FYB1: variants seen among roughly 807,000 people sequenced by gnomAD.
FYB1 encodes the protein FYN binding protein 1.
In FYB1, 41 loss-of-function variants were observed where a neutral mutation model predicts 94.1. That is an observed-to-expected ratio of 0.44 (90% CI 0.34 to 0.57). The LOEUF is 0.57. FYB1 is among the 20% of genes least tolerant of loss of function. The pLI, the probability that FYB1 is intolerant of heterozygous loss-of-function variation, is 0.02. For synonymous variants in FYB1, 367 were observed against 353.2 expected (o/e 1.04, Z -0.44); for missense variants, 1,050 against 976.8 (o/e 1.07, Z -1.00).
At chr5:39,213,558 C>T (rs534998756) in intron 1 of FYB1, among the ~76,000 whole-genome samples, 79 of 152,256 alleles carry the variant, frequency 5.2e-4, no homozygotes, top group African/African-American at 1.8e-3. Flanking sequence ...GGGCTCAAGG[C>T]CAAAACATCC....
chr5:39,227,388 T>C (rs1750524826), intron 1 of FYB1, among the ~76,000 whole-genome samples: 1 of 152,184 alleles, frequency 6.6e-6, no homozygotes, highest in African/African-American at 2.4e-5. Context: ...TAGAGAATGT[T>C]CGTATTCTTA....
intron 1 of FYB1, among the ~76,000 whole-genome samples, chr5:39,216,019 C>T (rs1273870643): frequency 6.6e-6 from 1 of 152,018 alleles, no homozygotes; most frequent in Non-Finnish European, 1.5e-5. Context: ...GTGATGCAAC[C>T]ACAAGCCATG....
At chr5:39,270,655 T>A in intron 1 of FYB1, 1 of 1,358,492 alleles carries the variant, frequency 7.4e-7, no homozygotes, top group Non-Finnish European at 1.0e-6. Context: ...AAGTTAGCTA[T>A]GCAGAGTGTA....
intron 1 of FYB1, among the ~76,000 whole-genome samples, chr5:39,245,483 A>G (rs1351526103): frequency 5.9e-5 from 9 of 152,172 alleles, no homozygotes. Context: ...ATTGTTTCAC[A>G]TGGTCCTGAC....
At chr5:39,198,915 G>A (rs141830652) in intron 2 of FYB1, among the ~76,000 whole-genome samples, 125 of 152,086 alleles carry the variant, frequency 8.2e-4, no homozygotes, top group African/African-American at 2.8e-3. Context: ...ACAGGGGCAC[G>A]ATGGTACATG....
Position 39,202,728 on chromosome 5 carries a change from G to T in FYB1, c.233C>A (p.Pro78His), listed in dbSNP as rs773327830. 12 of 1,613,930 alleles carry T rather than the reference G, an allele frequency of 7.4e-6. No homozygotes were observed. The highest frequency in any genetic ancestry group is 4.5e-5 in the East Asian group (2 of 44,876). Residue 78 changes from proline to histidine, a missense_variant, in exon 2 of 19, where the codon CCC (proline) becomes CAC (histidine). Coordinates refer to ENST00000512982, the MANE Select transcript of FYB1 (RefSeq NM_001465.6). ...AGTGGGCTTTAGAAACGGGGGCTTG[G>T]GTTCCTTGTCAGGCTTTTCCTCAGA... ...PSSEEKPDKE[P>H]KPPFLKPTGA...
intron 16 of FYB1, among the ~76,000 whole-genome samples, chr5:39,115,766 A>C (rs1022918626): frequency 1.3e-5 from 2 of 152,194 alleles, no homozygotes; most frequent in Non-Finnish European, 2.9e-5. Context: ...GAAGTTAGGA[A>C]AAATAAAAAT....
chr5:39,195,969 A>T (rs1335024997), intron 2 of FYB1, among the ~76,000 whole-genome samples: 1 of 20,748 alleles, frequency 4.8e-5, no homozygotes, highest in Non-Finnish European at 2.9e-4. Context: ...TAGCTTCATG[A>T]TCAGAAAGCA....
At position 39,179,300 on chromosome 5, in the gene FYB1, G is replaced by A. The variant is rs1746006451; in HGVS notation, c.1135+22526C>T. On this transcript the variant is annotated intron_variant, in intron 2 of 18. Coordinates refer to ENST00000512982, the MANE Select transcript of FYB1 (RefSeq NM_001465.6). ...CCCAAAGCTTGCTAACATGACCACT[G>A]TGCACTCCTCCAGACATGGCAGTGG... is the stretch of plus-strand genomic sequence containing the variant. Among the ~76,000 whole-genome samples, 6 of 152,102 alleles carry A rather than the reference G, an allele frequency of 3.9e-5. No homozygotes were observed. The South Asian group carries it at 1.2e-3, about 31-fold the overall frequency.
At chr5:39,144,374 A>G (rs987569010) in intron 3 of FYB1, among the ~76,000 whole-genome samples, 7 of 152,242 alleles carry the variant, frequency 4.6e-5, no homozygotes, top group African/African-American at 1.4e-4. Flanking sequence ...ACAGGGACAT[A>G]TAGCTATATT....
intron 2 of FYB1, among the ~76,000 whole-genome samples, chr5:39,162,203 G>A (rs551435197): frequency 6.6e-6 from 1 of 152,302 alleles, no homozygotes; most frequent in East Asian, 1.9e-4. Flanking sequence ...AATACCAAGA[G>A]TAGAATTGCT....
At position 39,132,468 on chromosome 5, in the gene FYB1, T is replaced by C. The variant is rs184763861; in HGVS notation, c.1817+1740A>G. Among the ~76,000 whole-genome samples the C allele has an allele frequency of 5.3e-5, 8 of 152,318 alleles. No individual in the cohort carries two copies. The East Asian group carries it at 1.5e-3, about 29-fold the overall frequency. ...GATGCTAGTAAATATTGTGGGGCTA[T>C]ACTTGTTTAAGATACTGAGCATTAA... On this transcript the variant is annotated intron_variant, in intron 9 of 18. Transcript: ENST00000512982.
chr5:39,121,705 C>T (rs1740124753), intron 14 of FYB1, among the ~76,000 whole-genome samples: 1 of 151,970 alleles, frequency 6.6e-6, no homozygotes, highest in Non-Finnish European at 1.5e-5. Flanking sequence ...AAAAAAATTC[C>T]AAAAGGCACT....
At chr5:39,270,862 C>A in intron 1 of FYB1, 1 of 377,100 alleles carries the variant, frequency 2.7e-6, no homozygotes, top group East Asian at 4.0e-5. Context: ...TTAGAAGTAC[C>A]TAGATATTAA....
At chr5:39,134,466 T>A in intron 8 of FYB1, 117 bp from the exon 9 acceptor site, 1 of 957,732 alleles carries the variant, frequency 1.0e-6, no homozygotes, top group Non-Finnish European at 1.5e-6. Flanking sequence ...TATTTTCTTG[T>A]AGTTCTGATT....
Position 39,137,587 on chromosome 5 carries a change from A to T in FYB1, c.1515+13T>A. The T allele has an allele frequency of 6.5e-7, 1 of 1,539,744 alleles. No individual in the cohort carries two copies. ...GATGTTATTCTTTCACTCATTAGCA[A>T]GCAAGCCCTTACTTTAAATTTCTTC... On this transcript the variant is annotated intron_variant, in intron 7 of 18. Coordinates refer to ENST00000512982, the MANE Select transcript of FYB1 (RefSeq NM_001465.6).
Position 39,137,665 on chromosome 5 carries a change from C to T in FYB1, c.1450G>A (p.Glu484Lys). The change falls in exon 7 of 19, where the codon GAG (glutamate) becomes AAG (lysine). Residue 484 changes from glutamate (E) to lysine (K), a missense_variant. Glu to Lys is a moderately conservative substitution (Grantham distance 56, BLOSUM62 1). Coordinates refer to ENST00000512982, the MANE Select transcript of FYB1 (RefSeq NM_001465.6). ...TCTTTCTGTTCCTTTTTCTCCAGCT[C>T]TAACCTCTTCTTTTCTTCCTTTTCC... is the stretch of plus-strand genomic sequence containing the variant. Reference protein sequence around the residue: ...KREKEEKKRLELEKKEQKEKE... With the variant: ...KREKEEKKRLKLEKKEQKEKE... 2 of 1,536,340 alleles carry T rather than the reference C, an allele frequency of 1.3e-6. No homozygotes were observed. Among genetic ancestry groups the T allele is most frequent in the Non-Finnish European group, 1.8e-6 (2 of 1,133,278 alleles).
intron 1 of FYB1, 110 bp from the exon 2 acceptor site, chr5:39,203,097 T>C: frequency 1.1e-6 from 1 of 880,164 alleles, no homozygotes; most frequent in Non-Finnish European, 1.7e-6. Context: ...GCGTTGCTGA[T>C]TGGTTAGCAA....
intron 2 of FYB1, among the ~76,000 whole-genome samples, chr5:39,163,976 AG>A (rs1744492517): frequency 6.6e-6 from 1 of 152,242 alleles, no homozygotes; most frequent in African/African-American, 2.4e-5. Flanking sequence ...TTGAGGGAAT[AG>A]TGAATGTTTT....
Sources: allele counts gnomAD v4.1 joint callset (sites outside exome capture counted in the v4.1 genomes callset), GRCh38; gene constraint gnomAD v4.1.1; transcripts MANE v1.5; gene names NCBI Gene and HGNC (gene_info 2026-07-23, HGNC 2026-07-21).